Variants in ZFP91 observed in about 807,000 individuals in gnomAD.
The protein encoded by ZFP91 is E3 ubiquitin-protein ligase ZFP91.
In ZFP91, 7 loss-of-function variants were observed where a neutral mutation model predicts 63.5. The observed-to-expected ratio is 0.11, with a 90% CI of 0.06 to 0.21. ZFP91 has a LOEUF of 0.21. ZFP91 is among the 10% of genes least tolerant of loss of function. The pLI is 1.00. For synonymous variants in ZFP91, 330 were observed against 272.1 expected, an observed-to-expected ratio of 1.21 and a Z score of -2.10; for missense variants, 628 against 736.6, an observed-to-expected ratio of 0.85 and a Z score of 1.71.
At chr11:58,591,585 A>G (rs190175773) in intron 2 of ZFP91, among the ~76,000 whole-genome samples, 12 of 152,312 alleles carry the variant, frequency 7.9e-5, no homozygotes, top group African/African-American at 2.9e-4. Flanking sequence ...ATGCCTGTTT[A>G]TAGTTAATCC....
At chr11:58,604,689 G>C (rs923100000) in intron 2 of ZFP91, among the ~76,000 whole-genome samples, 1 of 152,208 alleles carries the variant, frequency 6.6e-6, no homozygotes, top group Non-Finnish European at 1.5e-5. Context: ...GGCTTTGAAT[G>C]TGTCCCAACA....
chr11:58,616,850 A>G (rs778022058), intron 10 of ZFP91, 35 bp downstream of exon 10: 1 of 1,587,308 alleles, frequency 6.3e-7, no homozygotes, highest in Non-Finnish European at 8.6e-7. Context: ...TCTGGGTGAG[A>G]AGGATATATG....
chr11:58,617,598 T>C lies in ZFP91; in HGVS notation c.1605T>C (p.Phe535=). The change falls in exon 11 of 11, where the codon TTT becomes TTC. Residue 535 remains phenylalanine, a synonymous_variant. Coordinates refer to ENST00000316059, the MANE Select transcript of ZFP91 (RefSeq NM_053023.5). The surrounding 1 kb of genome is among the most constrained non-coding windows in gnomAD (Gnocchi z 4.2). ...GCCTGATGGCTGATGGGAAGATCTT[T>C]GTGGGAAGCGGCAGCAGTGGAGGCA... is the stretch of plus-strand genomic sequence containing the variant. ...RVSLMADGKI[F]VGSGSSGGTE... is the part of the protein sequence containing the mutation. 6.2e-7 allele frequency: 1 copy of C among 1,607,982 alleles called. No homozygotes were observed. The highest frequency in any genetic ancestry group is 8.5e-7 in the Non-Finnish European group (1 of 1,177,056).
chr11:58,610,821 G>T, intron 4 of ZFP91, 129 bp from the exon 5 acceptor site: 2 of 683,498 alleles, frequency 2.9e-6, no homozygotes, highest in Non-Finnish European at 4.7e-6. Context: ...AGTCCAATTA[G>T]GTCATTAGGA....
intron 2 of ZFP91, among the ~76,000 whole-genome samples, chr11:58,599,954 C>T (rs1343360503): frequency 6.6e-6 from 1 of 152,100 alleles, no homozygotes. Flanking sequence ...TTTTCACCTA[C>T]TGAATGGTCT....
Position 58,618,828 on chromosome 11 carries a change from T to C in ZFP91, c.*1122T>C, listed in dbSNP as rs559871974. On this transcript the variant is annotated 3_prime_UTR_variant, in exon 11 of 11. Coordinates refer to ENST00000316059, the MANE Select transcript of ZFP91 (RefSeq NM_053023.5). ...TTTTTAGGGAAGAATGTTAGGTTCA[T>C]GGTAACTAGTATGCTCTTTGAGATT... is the stretch of plus-strand genomic sequence containing the variant. 1.5e-5 allele frequency: 6 copies of C among 403,222 alleles called. No homozygotes were observed. The highest frequency in any genetic ancestry group is 1.3e-4 in the African/African-American group (6 of 47,942). 25.0% of individuals were successfully genotyped at this position (403,222 alleles called of 1,614,324 possible).
At chr11:58,582,871 C>G (rs1437933056) in intron 1 of ZFP91, among the ~76,000 whole-genome samples, 1 of 152,006 alleles carries the variant, frequency 6.6e-6, no homozygotes, top group East Asian at 1.9e-4. Flanking sequence ...AAAAATTTTT[C>G]ATTGTGCTCA....
intron 2 of ZFP91, among the ~76,000 whole-genome samples, chr11:58,595,756 T>C (rs746995030): frequency 5.3e-5 from 8 of 152,082 alleles, no homozygotes; most frequent in Admixed American, 2.6e-4. Flanking sequence ...TTTGTATTTT[T>C]AGTAGAGACA....
rs74891497 is a variant in ZFP91 at position 58,615,357 on chromosome 11, A to T, written c.1102+1014A>T. Among the ~76,000 whole-genome samples, 52 of 152,218 alleles carry T rather than the reference A, an allele frequency of 3.4e-4. 1 individual carries two copies. The East Asian group carries it at 6.2e-3, about 18-fold the overall frequency. On this transcript the variant is annotated intron_variant, in intron 9 of 10. Transcript: ENST00000316059. ...TCTCTGTTCCTTCTGCTCCCTGTTA[A>T]TACTGTTTTATGCCATAGAAAAGTT...
At chr11:58,600,733 T>C (rs1210772771) in intron 2 of ZFP91, among the ~76,000 whole-genome samples, 1 of 152,194 alleles carries the variant, frequency 6.6e-6, no homozygotes, top group Non-Finnish European at 1.5e-5. Flanking sequence ...GTCTTGTTCC[T>C]GACCTTAGCA....
chr11:58,610,131 C>G (rs1235386684), intron 3 of ZFP91, 92 bp downstream of exon 3: 1 of 1,499,018 alleles, frequency 6.7e-7, no homozygotes, highest in African/African-American at 1.4e-5. Flanking sequence ...GCTTAACTGT[C>G]AGGGGCAGGT....
intron 2 of ZFP91, among the ~76,000 whole-genome samples, chr11:58,598,022 T>A (rs1294567639): frequency 6.6e-6 from 1 of 152,132 alleles, no homozygotes; most frequent in Non-Finnish European, 1.5e-5. Context: ...TTCACTCAGG[T>A]GGTGATGATT....
At chr11:58,612,540 G>A in intron 7 of ZFP91, 1 of 620,692 alleles carries the variant, frequency 1.6e-6, no homozygotes, top group South Asian at 2.2e-5. Flanking sequence ...TACCTTTGGG[G>A]GGTCATTAGT....
At position 58,579,259 on chromosome 11, in the gene ZFP91, G is replaced by T; in HGVS notation, c.-23G>T. 2 of 1,412,324 alleles carry T rather than the reference G, an allele frequency of 1.4e-6. No individual in the cohort carries two copies. The allele number at this position is 1,412,324 out of a possible 1,614,324, so 87.5% of individuals were successfully genotyped here. ...TCCGCCTCCGCCGCCTAGGACTAGG[G>T]GGTGGGGGACGGACAAGCCCCGATG... On this transcript the variant is annotated 5_prime_UTR_variant, in exon 1 of 11. Coordinates refer to ENST00000316059, the MANE Select transcript of ZFP91 (RefSeq NM_053023.5).
chr11:58,607,874 G>A lies in ZFP91; in HGVS notation c.371-1956G>A, dbSNP rs543267072. On this transcript the variant is annotated intron_variant, in intron 2 of 10. Coordinates refer to ENST00000316059, the MANE Select transcript of ZFP91 (RefSeq NM_053023.5). ...TGGTTTATTTAAGCACTTTATCTTT[G>A]ACAGAGGGTTAGGTTGTTTCTGTTC... Among the ~76,000 whole-genome samples, 4 of 151,932 alleles carry A rather than the reference G, an allele frequency of 2.6e-5. No individual in the cohort carries two copies. In the East Asian group the frequency reaches 7.7e-4, roughly 29 times the overall value.
intron 9 of ZFP91, 123 bp from the exon 10 acceptor site, chr11:58,616,593 A>G (rs979426523): frequency 3.1e-6 from 2 of 641,650 alleles, no homozygotes; most frequent in Non-Finnish European, 5.2e-6. Flanking sequence ...CAAAGTGTTT[A>G]TACATTGAAA....
chr11:58,618,575 GA>G lies in ZFP91; in HGVS notation c.*870del. 2 of 396,322 alleles carry G rather than the reference GA, an allele frequency of 5.0e-6. No individual in the cohort carries two copies. Among genetic ancestry groups the G allele is most frequent in the Non-Finnish European group, 4.9e-6 (1 of 203,490 alleles). The allele number at this position is 396,322 out of a possible 1,614,324, so 24.6% of individuals were successfully genotyped here. A position where few individuals can be genotyped will look rare whatever the true frequency, so the allele number is the denominator to read the frequency against. On this transcript the variant is annotated 3_prime_UTR_variant, in exon 11 of 11. Transcript: ENST00000316059. ...TTCCTTATTTATTAACAGGAAGTCT[GA>G]TTTTTTTTTTTTGGAGTCTTTGTTG...
rs1014860083 is a variant in ZFP91 at position 58,620,555 on chromosome 11, A to T, written c.*2849A>T. ...TAACTGAGACTCCTTGATATGCTTCAGAGAATTTAGGCAAACACTGGCCAT... is the reference window on the plus strand; with the variant it reads ...TAACTGAGACTCCTTGATATGCTTCTGAGAATTTAGGCAAACACTGGCCAT... On this transcript the variant is annotated 3_prime_UTR_variant, in exon 11 of 11. Coordinates refer to ENST00000316059, the MANE Select transcript of ZFP91 (RefSeq NM_053023.5). 1 of 152,640 alleles carries T rather than the reference A, an allele frequency of 6.6e-6. No homozygotes were observed. The highest frequency in any genetic ancestry group is 2.4e-5 in the African/African-American group (1 of 41,446). 9.5% of individuals were successfully genotyped at this position (152,640 alleles called of 1,614,324 possible). A position where few individuals can be genotyped will look rare whatever the true frequency, so the allele number is the denominator to read the frequency against.
chr11:58,583,575 TTAATCAG>T (rs1855154545), intron 1 of ZFP91, among the ~76,000 whole-genome samples: 2 of 152,086 alleles, frequency 1.3e-5, no homozygotes, highest in African/African-American at 4.8e-5. Context: ...GATCAGGATC[TTAATCAG>T]TATGATGATA....
Sources: allele counts gnomAD v4.1 joint callset (sites outside exome capture counted in the v4.1 genomes callset), GRCh38; gene constraint gnomAD v4.1.1; non-coding constraint Gnocchi (gnomAD v3.1); transcripts MANE v1.5; gene names NCBI Gene and HGNC (gene_info 2026-07-23, HGNC 2026-07-21).